NKAIN3: variants seen among roughly 807,000 people sequenced by gnomAD.
NKAIN3 encodes the protein sodium/potassium transporting ATPase interacting 3.
A neutral mutation model predicts 30.2 loss-of-function variants in NKAIN3; 25 were observed. The observed-to-expected ratio is 0.83, with a 90% CI of 0.60 to 1.16. NKAIN3 has a LOEUF of 1.16. Among genes scored for constraint, NKAIN3 ranks in the 50% most tolerant of loss-of-function variants. The pLI, the probability that NKAIN3 is intolerant of heterozygous loss-of-function variation, is 0.00. For synonymous variants in NKAIN3, 91 were observed against 89.6 expected (o/e 1.02, Z -0.09); for missense variants, 225 against 254.1 (o/e 0.89, Z 0.78).
intron 1 of NKAIN3, among the ~76,000 whole-genome samples, chr8:62,321,786 T>C (rs1315913858): frequency 6.6e-6 from 1 of 152,194 alleles, no homozygotes; most frequent in Non-Finnish European, 1.5e-5. Context: ...AGGGACCCAC[T>C]TGAGGAGGCA....
chr8:62,406,737 A>C (rs752110735), intron 1 of NKAIN3, among the ~76,000 whole-genome samples: 26 of 152,304 alleles, frequency 1.7e-4, no homozygotes, highest in Non-Finnish European at 2.9e-4. Context: ...CAAATACTTA[A>C]GAATATTCCT....
rs562581443 is a variant in NKAIN3 at position 62,971,066 on chromosome 8, A to T, written c.*5659A>T. Among the ~76,000 whole-genome samples the T allele has an allele frequency of 1.3e-5, 1 of 74,300 alleles. No individual in the cohort carries two copies. The highest frequency in any genetic ancestry group is 2.5e-3 in the East Asian group (1 of 404). 48.7% of individuals were successfully genotyped at this position (74,300 alleles called of 152,430 possible). Reference sequence around the variant, plus strand: ...GATTTCCCTAGAGACAAGGACCGAGACTCCTCTCATTGCTTCATCCTCTGT... The same window carrying T: ...GATTTCCCTAGAGACAAGGACCGAGTCTCCTCTCATTGCTTCATCCTCTGT... On this transcript the variant is annotated 3_prime_UTR_variant, in exon 7 of 7. Transcript: ENST00000623646.
At chr8:62,950,324 T>G (rs1184128082) in intron 5 of NKAIN3, among the ~76,000 whole-genome samples, 1 of 152,204 alleles carries the variant, frequency 6.6e-6, no homozygotes, top group East Asian at 1.9e-4. Flanking sequence ...TATTGATGCA[T>G]GCATGACAAA....
chr8:62,814,942 G>T (rs1346864912), intron 4 of NKAIN3, among the ~76,000 whole-genome samples: 1 of 152,076 alleles, frequency 6.6e-6, no homozygotes, highest in Non-Finnish European at 1.5e-5. Flanking sequence ...GAATCCAGGA[G>T]CTGGTTTTTT....
intron 1 of NKAIN3, among the ~76,000 whole-genome samples, chr8:62,390,834 G>A (rs1291809860): frequency 1.3e-5 from 2 of 152,046 alleles, no homozygotes; most frequent in African/African-American, 4.8e-5. Context: ...CCACATGTAT[G>A]TTTTCTTTTG....
At chr8:62,906,200 C>T (rs375096340) in intron 4 of NKAIN3, among the ~76,000 whole-genome samples, 1 of 152,146 alleles carries the variant, frequency 6.6e-6, no homozygotes, top group African/African-American at 2.4e-5. Flanking sequence ...TGACCCAGCA[C>T]CCATGGAACA....
intron 1 of NKAIN3, among the ~76,000 whole-genome samples, chr8:62,577,544 T>TA (rs1331999769): frequency 2.0e-5 from 3 of 150,458 alleles, no homozygotes; most frequent in African/African-American, 7.3e-5. Context: ...TCCTTTTTTT[T>TA]TTTTTTTTTA....
At chr8:62,463,438 G>A (rs1003982687) in intron 1 of NKAIN3, among the ~76,000 whole-genome samples, 3 of 152,130 alleles carry the variant, frequency 2.0e-5, no homozygotes, top group Admixed American at 1.3e-4. Flanking sequence ...AAGTCTTGTC[G>A]TGGAAGCTAG....
chr8:62,857,253 CTT>C (rs1820090504), intron 4 of NKAIN3: 1 of 200,184 alleles, frequency 5.0e-6, no homozygotes, highest in Non-Finnish European at 1.0e-5. Context: ...TTGCCTTTCT[CTT>C]AACATTATTT....
At chr8:62,381,141 A>G (rs1273024150) in intron 1 of NKAIN3, among the ~76,000 whole-genome samples, 1 of 152,196 alleles carries the variant, frequency 6.6e-6, no homozygotes, top group Non-Finnish European at 1.5e-5. Context: ...TATTATTTCC[A>G]TACTTTCCAA....
intron 1 of NKAIN3, among the ~76,000 whole-genome samples, chr8:62,350,180 C>T (rs1324524885): frequency 6.6e-6 from 1 of 152,136 alleles, no homozygotes; most frequent in Non-Finnish European, 1.5e-5. Context: ...TGCATAGCAG[C>T]ATTATTCACA....
At chr8:62,650,845 G>A (rs1342321778) in intron 3 of NKAIN3, among the ~76,000 whole-genome samples, 1 of 151,954 alleles carries the variant, frequency 6.6e-6, no homozygotes, top group Non-Finnish European at 1.5e-5. Context: ...AATATATATA[G>A]AAAATATATG....
At chr8:62,584,457 G>A (rs574584026) in intron 2 of NKAIN3, among the ~76,000 whole-genome samples, 1 of 152,122 alleles carries the variant, frequency 6.6e-6, no homozygotes, top group Non-Finnish European at 1.5e-5. Context: ...AATGTTTTGG[G>A]TAAAGGACCA....
chr8:62,551,028 A>G (rs548200794), intron 1 of NKAIN3, among the ~76,000 whole-genome samples: 2 of 152,258 alleles, frequency 1.3e-5, no homozygotes, highest in African/African-American at 4.8e-5. Context: ...ACGGCTTTGC[A>G]TGGGTCCTGG....
intron 1 of NKAIN3, among the ~76,000 whole-genome samples, chr8:62,338,149 G>T (rs16928702): frequency 0.04 from 6,041 of 152,014 alleles, 433 homozygotes; most frequent in African/African-American, 0.14. Flanking sequence ...CTTTTAAACT[G>T]TGATAGGTTG....
At chr8:62,762,937 A>G (rs1164170874) in intron 4 of NKAIN3, among the ~76,000 whole-genome samples, 1 of 152,064 alleles carries the variant, frequency 6.6e-6, no homozygotes, top group Non-Finnish European at 1.5e-5. Context: ...CAAACAACTT[A>G]TATAGGCTGG....
intron 4 of NKAIN3, among the ~76,000 whole-genome samples, chr8:62,905,769 C>A (rs1821755461): frequency 6.6e-6 from 1 of 152,150 alleles, no homozygotes; most frequent in Admixed American, 6.6e-5. Context: ...CTGGTCAGTC[C>A]TTTTTGGTCT....
intron 1 of NKAIN3, among the ~76,000 whole-genome samples, chr8:62,412,595 CA>C (rs1804278646): frequency 6.6e-6 from 1 of 151,708 alleles, no homozygotes; most frequent in South Asian, 2.1e-4. Flanking sequence ...AATCAATAAG[CA>C]AAAAACAAAT....
chr8:62,336,702 C>A (rs996323482), intron 1 of NKAIN3, among the ~76,000 whole-genome samples: 1 of 151,984 alleles, frequency 6.6e-6, no homozygotes, highest in African/African-American at 2.4e-5. Context: ...TTGAAACAAG[C>A]ACCATTTTAT....
Sources: gnomAD v4.1 joint callset for allele counts (sites outside exome capture counted in the v4.1 genomes callset) on GRCh38, gnomAD v4.1.1 for gene constraint, MANE v1.5 for transcripts, NCBI Gene and HGNC (gene_info 2026-07-23, HGNC 2026-07-21) for gene names.